The following HESX1 variants were observed in gnomAD, a reference collection of about 807,000 sequenced individuals.
HESX1 encodes HESX homeobox 1.
Under a neutral mutation model 22.5 loss-of-function variants are expected in HESX1, and 11 were observed. The ratio of observed to expected loss-of-function variants is 0.49; its 90% confidence interval spans 0.31 to 0.81. The LOEUF is 0.81. Ranked by LOEUF, HESX1 falls within the 30% of genes least tolerant of loss-of-function variation. The probability of loss-of-function intolerance (pLI) is 0.05; values close to 1 mark genes in which losing one functional copy is unlikely to be tolerated. For missense variants in HESX1, 201 were observed against 212.6 expected, an observed-to-expected ratio of 0.95 and a Z score of 0.34; for synonymous variants, 74 against 76.5, an observed-to-expected ratio of 0.97 and a Z score of 0.17.
intron 1 of HESX1, among the ~76,000 whole-genome samples, chr3:57,224,311 A>G (rs1208977690): frequency 6.6e-6 from 1 of 151,432 alleles, no homozygotes; most frequent in Non-Finnish European, 1.5e-5. Flanking sequence ...ATTTAATTTA[A>G]TTTTTTTTTG....
intron 1 of HESX1, among the ~76,000 whole-genome samples, chr3:57,222,149 G>A (rs2107586179): frequency 6.6e-6 from 1 of 152,222 alleles, no homozygotes; most frequent in African/African-American, 2.4e-5. Context: ...TTAGCCATTG[G>A]ATAAATAGTA....
intron 1 of HESX1, 125 bp from the exon 2 acceptor site, chr3:57,199,077 G>C: frequency 1.1e-6 from 1 of 872,988 alleles, no homozygotes; most frequent in Non-Finnish European, 1.8e-6. Flanking sequence ...CAAGAGAATT[G>C]CACCCCGTTA....
upstream of HESX1, among the ~76,000 whole-genome samples, chr3:57,200,712 C>T (rs1041747389): frequency 2.0e-5 from 3 of 152,134 alleles, no homozygotes; most frequent in African/African-American, 2.4e-5. Flanking sequence ...ATGTAATCAC[C>T]TTCAAGCAAC....
chr3:57,211,538 A>AAAAAAAAC (rs2060553929), intron 1 of HESX1, among the ~76,000 whole-genome samples: 1 of 145,634 alleles, frequency 6.9e-6, no homozygotes, highest in Non-Finnish European at 1.5e-5. Context: ...AAAAAAAAAA[A>AAAAAAAAC]AAAAAAAAAA....
At chr3:57,200,241 G>A (rs2060478062), upstream of HESX1, among the ~76,000 whole-genome samples, 1 of 152,198 alleles carries the variant, frequency 6.6e-6, no homozygotes, top group Non-Finnish European at 1.5e-5. Flanking sequence ...AAGAAGTGAT[G>A]CACAAATGTG....
intron 1 of HESX1, among the ~76,000 whole-genome samples, chr3:57,221,731 C>A (rs1047089946): frequency 1.3e-5 from 2 of 152,140 alleles, no homozygotes; most frequent in Non-Finnish European, 2.9e-5. Flanking sequence ...CTCAGCCTCC[C>A]GAGCAGCTGG....
upstream of HESX1, among the ~76,000 whole-genome samples, chr3:57,204,483 T>G (rs545117703): frequency 7.2e-5 from 11 of 152,308 alleles, no homozygotes; most frequent in African/African-American, 2.6e-4. Flanking sequence ...TACAATGCCA[T>G]TTACTGGGAT....
chr3:57,198,013 T>C lies in HESX1; in HGVS notation c.*184A>G. On this transcript the variant is annotated 3_prime_UTR_variant, in exon 4 of 4. Coordinates refer to ENST00000295934, the MANE Select transcript of HESX1 (RefSeq NM_003865.3). ...TATTAAAATATATATAAAAGGTCTT[T>C]ACTATAACTAAAAGTGCCCAAATAT... 2.0e-6 allele frequency: 1 copy of C among 506,052 alleles called. No individual in the cohort carries two copies. The allele number at this position is 506,052 out of a possible 1,614,324, so 31.3% of individuals were successfully genotyped here.
chr3:57,199,449 C>A (rs1458918579), intron 1 of HESX1, among the ~76,000 whole-genome samples: 1 of 151,708 alleles, frequency 6.6e-6, no homozygotes, highest in Non-Finnish European at 1.5e-5. Context: ...TGAAACCCCC[C>A]TCTACTAAAA....
chr3:57,198,411 G>A lies in HESX1; in HGVS notation c.439C>T (p.Leu147=). The change falls in exon 3 of 4, where the codon CTA becomes TTA. Residue 147 remains leucine, a synonymous_variant. Coordinates refer to ENST00000295934, the MANE Select transcript of HESX1 (RefSeq NM_003865.3). ...IREDLAQKLN[L]EEDRIQIWFQ... The stretch of plus-strand genomic sequence containing the variant: ...ATTACCTGGATTCTGTCTTCCTCTA[G>A]ATTCAATTTTTGAGCTAAGTCTTCT... 1 of 1,602,992 alleles carries A rather than the reference G, an allele frequency of 6.2e-7. No individual in the cohort carries two copies. Among genetic ancestry groups the A allele is most frequent in the Non-Finnish European group, 8.5e-7 (1 of 1,170,258 alleles).
At chr3:57,210,458 G>C (rs1487631285) in intron 1 of HESX1, among the ~76,000 whole-genome samples, 1 of 152,192 alleles carries the variant, frequency 6.6e-6, no homozygotes, top group African/African-American at 2.4e-5. Context: ...TATGCTGTGA[G>C]CGTAATAAGA....
In HESX1 at chr3:57,212,557, C is replaced by CA. The variant is rs56093005; in HGVS notation, c.-110-12530dup. On this transcript the variant is annotated intron_variant, in intron 1 of 2. Transcript: ENST00000495160. ...CTGGGGACAGAGCAAGACTCTGTCT[C>CA]AAAAAAAAAAAAAAAAAGATTCATT... is the stretch of plus-strand genomic sequence containing the variant. Among the ~76,000 whole-genome samples, 262 of 80,016 alleles carry CA rather than the reference C, an allele frequency of 3.3e-3. 4 individuals carry two copies. Among genetic ancestry groups the CA allele is most frequent in the African/African-American group, 6.6e-3 (120 of 18,270 alleles). The allele number at this position is 80,016 out of a possible 152,430, so 52.5% of individuals were successfully genotyped here. A position where few individuals can be genotyped will look rare whatever the true frequency, so the allele number is the denominator to read the frequency against.
chr3:57,198,249 TCTCTATGGG>T lies in HESX1; in HGVS notation c.497_505del (p.Ser166_Glu169delinsTer). The stretch of plus-strand genomic sequence containing the variant: ...TTTTTTCGCCATTAGAAACTGTGAT[TCTCTATGGG>T]ACCTTTTCAGTTTTGCACGCCGATT... On this transcript the variant is annotated stop_gained and inframe_deletion, in exon 4 of 4. Coordinates refer to ENST00000295934, the MANE Select transcript of HESX1 (RefSeq NM_003865.3). LOFTEE classifies it high-confidence loss of function. The T allele has an allele frequency of 6.2e-7, 1 of 1,613,348 alleles. No homozygotes were observed. The highest frequency in any genetic ancestry group is 1.3e-5 in the African/African-American group (1 of 75,026).
At chr3:57,225,011 TA>T (rs2060634380) in intron 1 of HESX1, among the ~76,000 whole-genome samples, 1 of 152,204 alleles carries the variant, frequency 6.6e-6, no homozygotes, top group African/African-American at 2.4e-5. Flanking sequence ...GAGTCGCCAG[TA>T]ACCCCTAAGG....
intron 1 of HESX1, among the ~76,000 whole-genome samples, chr3:57,220,520 C>T (rs1041604353): frequency 6.6e-6 from 1 of 152,140 alleles, no homozygotes; most frequent in African/African-American, 2.4e-5. Context: ...ACCTCTGCCC[C>T]CCAGGCTCAA....
Position 57,198,444 on chromosome 3 carries a change from C to T in HESX1, c.406G>A (p.Asp136Asn), listed in dbSNP as rs781729398. Reference protein sequence around the residue: ...VFRVNCYPGIDIREDLAQKLN... With the variant: ...VFRVNCYPGINIREDLAQKLN... ...TTTTGAGCTAAGTCTTCTCTAATATCGATACCAGGATAGCAGTTTACTCTA... is the reference window on the plus strand; with the variant it reads ...TTTTGAGCTAAGTCTTCTCTAATATTGATACCAGGATAGCAGTTTACTCTA... The change falls in exon 3 of 4, where the codon GAT (aspartate) becomes AAT (asparagine). Residue 136 changes from aspartate to asparagine, a missense_variant. Physicochemically the swap from Asp to Asn is conservative, Grantham distance 23. Coordinates refer to ENST00000295934, the MANE Select transcript of HESX1 (RefSeq NM_003865.3). 15 of 1,607,570 alleles carry T rather than the reference C, an allele frequency of 9.3e-6. No homozygotes were observed. The South Asian group carries it at 1.2e-4, about 13-fold the overall frequency.
At chr3:57,216,536 C>T (rs538530399) in intron 1 of HESX1, among the ~76,000 whole-genome samples, 1 of 152,260 alleles carries the variant, frequency 6.6e-6, no homozygotes, top group Middle Eastern at 3.4e-3. Flanking sequence ...CACCTGAGCC[C>T]AGGAGGTCGA....
chr3:57,208,958 T>TA (rs1022032271), intron 1 of HESX1, among the ~76,000 whole-genome samples: 13 of 144,598 alleles, frequency 9.0e-5, no homozygotes, highest in South Asian at 2.2e-4. Context: ...AGACTGTATC[T>TA]AAAAAAAAAA....
intron 1 of HESX1, among the ~76,000 whole-genome samples, chr3:57,213,994 C>T (rs6769623): frequency 0.071 from 10,739 of 152,210 alleles, 1,269 homozygotes; most frequent in African/African-American, 0.24. Flanking sequence ...AGGGAGTGCA[C>T]TAGGACTCAG....
Sources: allele counts gnomAD v4.1 joint callset (sites outside exome capture counted in the v4.1 genomes callset), GRCh38; gene constraint gnomAD v4.1.1; transcripts MANE v1.5; gene names NCBI Gene and HGNC (gene_info 2026-07-23, HGNC 2026-07-21).